TBCK: variants seen among roughly 807,000 people sequenced by gnomAD.
TBCK encodes the protein TBC domain-containing protein kinase-like protein.
Under a neutral mutation model 113.4 loss-of-function variants are expected in TBCK, and 99 were observed. The ratio of observed to expected loss-of-function variants is 0.87; its 90% CI spans 0.74 to 1.03. TBCK has a LOEUF of 1.03. TBCK is among the 50% of genes least tolerant of loss of function. The pLI is 0.00. For synonymous variants in TBCK, 369 were observed against 370.8 expected (o/e 1.00, Z 0.05); for missense variants, 1,045 against 1,061.3 (o/e 0.98, Z 0.21).
rs1442105356 is a variant in TBCK at position 106,066,060 on chromosome 4, ATAGT to A, written c.2572-19384_2572-19381del. Among the ~76,000 whole-genome samples, 5 of 152,080 alleles carry A rather than the reference ATAGT, an allele frequency of 3.3e-5. No individual in the cohort carries two copies. In the East Asian group the frequency reaches 9.6e-4, roughly 29 times the overall value. On this transcript the variant is annotated intron_variant, in intron 25 of 25. Coordinates refer to ENST00000394708, the MANE Select transcript of TBCK (RefSeq NM_001163435.3). ...CGCTAATCAATTGTAATTACAGGAA[ATAGT>A]TAATGAATACATATTAAAATGGTAT...
chr4:106,170,814 C>A (rs1262737039), intron 23 of TBCK, among the ~76,000 whole-genome samples: 15 of 152,064 alleles, frequency 9.9e-5, no homozygotes, highest in African/African-American at 3.6e-4. Flanking sequence ...TGTAATCTCT[C>A]ACTATATAAC....
intron 23 of TBCK, among the ~76,000 whole-genome samples, chr4:106,146,029 C>G (rs1747754106): frequency 6.6e-6 from 1 of 152,122 alleles, no homozygotes. Flanking sequence ...TTCAACCCAG[C>G]CATCCCATTA....
intron 23 of TBCK, among the ~76,000 whole-genome samples, chr4:106,165,395 AT>A (rs1229161920): frequency 6.6e-6 from 1 of 151,694 alleles, no homozygotes; most frequent in Non-Finnish European, 1.5e-5. Context: ...TCAAAGTGAA[AT>A]TTTAAACTGA....
intron 25 of TBCK, among the ~76,000 whole-genome samples, chr4:106,093,757 C>T (rs1259470669): frequency 6.6e-6 from 1 of 152,044 alleles, no homozygotes; most frequent in African/African-American, 2.4e-5. Context: ...GATAAAATAA[C>T]CTGTACAACA....
At chr4:106,302,419 A>G (rs898006856) in intron 2 of TBCK, among the ~76,000 whole-genome samples, 3 of 152,238 alleles carry the variant, frequency 2.0e-5, no homozygotes, top group African/African-American at 4.8e-5. Context: ...AATACTCCCC[A>G]AAGAGAATCA....
At chr4:106,309,562 A>G (rs1767961563) in intron 1 of TBCK, among the ~76,000 whole-genome samples, 1 of 151,972 alleles carries the variant, frequency 6.6e-6, no homozygotes, top group Non-Finnish European at 1.5e-5. Flanking sequence ...TCGGCCTCTC[A>G]AAGTGCTGGG....
At chr4:106,312,820 CAA>C (rs575403284) in intron 1 of TBCK, among the ~76,000 whole-genome samples, 1 of 152,118 alleles carries the variant, frequency 6.6e-6, no homozygotes, top group Non-Finnish European at 1.5e-5. Context: ...GAAGCAGACA[CAA>C]AAGAGTTCAT....
At chr4:106,181,265 T>C (rs1394236477) in intron 22 of TBCK, among the ~76,000 whole-genome samples, 1 of 152,212 alleles carries the variant, frequency 6.6e-6, no homozygotes, top group Non-Finnish European at 1.5e-5. Context: ...ATGCTGGATA[T>C]TAGCCCTTTG....
At position 106,110,992 on chromosome 4, in the gene TBCK, T is replaced by TAA. The variant is rs34101966; in HGVS notation, c.2411+5209_2411+5210dup. Among the ~76,000 whole-genome samples the TAA allele has an allele frequency of 2.8e-3, 420 of 147,552 alleles. 1 individual carries two copies. The highest frequency in any genetic ancestry group is 7.3e-3 in the African/African-American group (293 of 40,352). On this transcript the variant is annotated intron_variant, in intron 24 of 25. Coordinates refer to ENST00000394708, the MANE Select transcript of TBCK (RefSeq NM_001163435.3). ...ATTTCTTTTAATGCTTATAAAGAGC[T>TAA]AAAAAAAAAAAAGCATTAAAGAAAA...
chr4:106,316,654 T>A (rs1768921609), upstream of TBCK: 12 of 1,520,368 alleles, frequency 7.9e-6, no homozygotes, highest in South Asian at 1.5e-4. Flanking sequence ...CGTAGGGGTC[T>A]TCCTTCTCTA....
At chr4:106,308,462 T>C (rs1019992969) in intron 2 of TBCK, among the ~76,000 whole-genome samples, 2 of 152,092 alleles carry the variant, frequency 1.3e-5, no homozygotes, top group Non-Finnish European at 2.9e-5. Flanking sequence ...TTGGCTGGCA[T>C]GAAGGGTTAA....
intron 24 of TBCK, among the ~76,000 whole-genome samples, chr4:106,099,524 C>A (rs1741302335): frequency 1.3e-5 from 2 of 152,130 alleles, no homozygotes; most frequent in South Asian, 2.1e-4. Flanking sequence ...ACCCACAGTT[C>A]TCTCATATAT....
At position 106,138,544 on chromosome 4, in the gene TBCK, GAC is replaced by G. The variant is rs1413271641; in HGVS notation, c.2236-22168_2236-22167del. 1.4e-5 allele frequency among the ~76,000 whole-genome samples: 2 copies of G among 140,574 alleles called. 1 individual carries two copies. Among genetic ancestry groups the G allele is most frequent in the Non-Finnish European group, 3.2e-5 (2 of 61,932 alleles). 92.2% of individuals were successfully genotyped at this position (140,574 alleles called of 152,430 possible). On this transcript the variant is annotated intron_variant, in intron 23 of 25. Transcript: ENST00000394708. ...CAATAAGAACTTGTTTATTTGAAAA[GAC>G]AAATAATTGGGAAATATTTCATACA...
intron 23 of TBCK, among the ~76,000 whole-genome samples, chr4:106,119,820 T>C (rs1578955100): frequency 6.6e-6 from 1 of 151,948 alleles, no homozygotes; most frequent in Non-Finnish European, 1.5e-5. Context: ...AATAAAATAA[T>C]CTAATTTACT....
intron 12 of TBCK, among the ~76,000 whole-genome samples, chr4:106,237,759 G>T (rs1253162699): frequency 6.6e-6 from 1 of 151,720 alleles, no homozygotes; most frequent in African/African-American, 2.4e-5. Flanking sequence ...AAACCTTTAG[G>T]TATATCTTTC....
chr4:106,277,765 T>C (rs974126720), intron 3 of TBCK, among the ~76,000 whole-genome samples: 10 of 152,204 alleles, frequency 6.6e-5, no homozygotes, highest in Non-Finnish European at 1.5e-5. Flanking sequence ...CTAGTCTTAA[T>C]GCATTTAGTT....
chr4:106,154,329 G>A (rs759540153), intron 23 of TBCK, among the ~76,000 whole-genome samples: 3 of 151,996 alleles, frequency 2.0e-5, no homozygotes, highest in Non-Finnish European at 2.9e-5. Context: ...AAATGAACAA[G>A]CAAAAAGAAA....
chr4:106,263,028 T>C (rs1215295756), intron 3 of TBCK, among the ~76,000 whole-genome samples: 1 of 151,960 alleles, frequency 6.6e-6, no homozygotes, highest in Non-Finnish European at 1.5e-5. Flanking sequence ...CCTTTTCTTT[T>C]TGAAAAGTTC....
intron 17 of TBCK, 151 bp from the exon 18 acceptor site, chr4:106,231,930 T>C (rs2149993433): frequency 1.4e-6 from 1 of 711,090 alleles, no homozygotes; most frequent in Non-Finnish European, 2.4e-6. Flanking sequence ...CATGAGTTAC[T>C]GTGGGGAGTG....
Sources: allele counts gnomAD v4.1 joint callset (sites outside exome capture counted in the v4.1 genomes callset), GRCh38; gene constraint gnomAD v4.1.1; transcripts MANE v1.5; gene names NCBI Gene and HGNC (gene_info 2026-07-23, HGNC 2026-07-21).